The following SEMA4C variants were observed in gnomAD, a reference collection of about 807,000 sequenced individuals.
SEMA4C encodes the protein semaphorin-4C.
SEMA4C carries 19 observed loss-of-function variants against 89.0 expected under a neutral mutation model. That is an observed-to-expected ratio of 0.21 (90% CI 0.15 to 0.31). The LOEUF (loss-of-function observed/expected upper bound fraction) is 0.31. Among genes scored for constraint, SEMA4C ranks in the 10% least tolerant of loss-of-function variants. The pLI, the probability that SEMA4C is intolerant of heterozygous loss-of-function variation, is 1.00. For missense variants in SEMA4C, 811 were observed against 1,107.0 expected, an observed-to-expected ratio of 0.73 and a Z score of 3.79; for synonymous variants, 428 against 472.7, an observed-to-expected ratio of 0.91 and a Z score of 1.23.
Position 96,869,959 on chromosome 2 carries a change from T to A in SEMA4C, c.-121A>T. On this transcript the variant is annotated 5_prime_UTR_variant, in exon 1 of 15. Coordinates refer to ENST00000305476, the MANE Select transcript of SEMA4C (RefSeq NM_017789.5). The stretch of plus-strand genomic sequence containing the variant: ...CCACCCCTGCCCCCGCGTCGCCGCC[T>A]GCCCGCGCTCGCCCGCCAGCCCTCC... 1 of 986,814 alleles carries A rather than the reference T, an allele frequency of 1.0e-6. No individual in the cohort carries two copies. The allele number at this position is 986,814 out of a possible 1,614,324, so 61.1% of individuals were successfully genotyped here. A position where few individuals can be genotyped will look rare whatever the true frequency, so the allele number is the denominator to read the frequency against.
In SEMA4C at chr2:96,861,134, A is replaced by G; in HGVS notation, c.1994T>C (p.Val665Ala). 1.2e-6 allele frequency: 2 copies of G among 1,611,240 alleles called. No homozygotes were observed. Among genetic ancestry groups the G allele is most frequent in the Non-Finnish European group, 1.7e-6 (2 of 1,179,642 alleles). ...CCCCAGGGCCACCACCGCCAGCCAC[A>G]CCAGCCCCAGGTTTTCCAGGGGGGC... ...ARAPLENLGL[V>A]WLAVVALGAV... is the part of the protein sequence containing the mutation. The change falls in exon 15 of 15, where the codon GTG becomes GCG. Residue 665 changes from valine to alanine, a missense_variant. Val to Ala is a moderately conservative substitution (Grantham distance 64, BLOSUM62 0). Transcript: ENST00000305476. This position sits in a 1 kb window ranked among gnomAD's most constrained non-coding sequence, Gnocchi z 7.8.
intron 1 of SEMA4C, 56 bp from the exon 2 acceptor site, chr2:96,867,979 G>GAAA: frequency 6.3e-7 from 1 of 1,592,966 alleles, no homozygotes; most frequent in East Asian, 2.3e-5. Flanking sequence ...AAACCAGAGG[G>GAAA]GCCCGCAGCA....
rs1210122300 is a variant in SEMA4C, at chr2:96,861,910, G to A, written c.1444-16C>T. ...AGAGCAGCTTCTGCGAGAAAAGCGG[G>A]GCGCAGGAGGGGGGTCGGCCAGGGC... is the stretch of plus-strand genomic sequence containing the variant. On this transcript the variant is annotated splice_polypyrimidine_tract_variant and intron_variant, in intron 12 of 14. Transcript: ENST00000305476. The surrounding 1 kb of genome is among the most constrained non-coding windows in gnomAD (Gnocchi z 7.8). 6.3e-7 allele frequency: 1 copy of A among 1,596,234 alleles called. No individual in the cohort carries two copies. Among genetic ancestry groups the A allele is most frequent in the African/African-American group, 1.3e-5 (1 of 74,776 alleles).
intron 12 of SEMA4C, chr2:96,863,412 A>G: frequency 8.2e-7 from 1 of 1,224,106 alleles, no homozygotes; most frequent in African/African-American, 1.5e-5. Context: ...TCTGAAAGAA[A>G]CATGGGAGCA....
intron 1 of SEMA4C, chr2:96,869,163 CG>C: frequency 1.0e-6 from 1 of 985,416 alleles, no homozygotes; most frequent in African/African-American, 1.7e-5. Flanking sequence ...CCAAAACGCC[CG>C]CGGCCTCATC....
In SEMA4C at chr2:96,865,489, C is replaced by A; in HGVS notation, c.469G>T (p.Gly157Cys). 1 of 1,614,094 alleles carries A rather than the reference C, an allele frequency of 6.2e-7. No individual in the cohort carries two copies. The highest frequency in any genetic ancestry group is 8.5e-7 in the Non-Finnish European group (1 of 1,180,032). Reference protein sequence around the residue: ...LEHGEFEDGKGKCPYDPAKGH... With the variant: ...LEHGEFEDGKCKCPYDPAKGH... ...TTAGCTGGGTCATAGGGACACTTGC[C>A]CTTCCCATCTTCAAACTCTCCATGC... is the stretch of plus-strand genomic sequence containing the variant. The change falls in exon 6 of 15, where the codon GGC becomes TGC. Residue 157 changes from glycine (G) to cysteine (C), a missense_variant. Physicochemically the swap from Gly to Cys is radical, Grantham distance 159. This residue lies in a region of SEMA4C where 441 missense variants were observed against 664.9 expected (regional missense o/e 0.66). Transcript: ENST00000305476.
chr2:96,862,832 A>G (rs2079978816), intron 12 of SEMA4C: 1 of 146,480 alleles, frequency 6.8e-6, no homozygotes, highest in Admixed American at 7.0e-5. Flanking sequence ...ACTGCACTCC[A>G]GCCTGGGTGA....
In SEMA4C at chr2:96,860,635, T is replaced by C. The variant is rs763249565; in HGVS notation, c.2493A>G (p.Ser831=). 6.2e-7 allele frequency: 1 copy of C among 1,606,406 alleles called. No homozygotes were observed. The highest frequency in any genetic ancestry group is 1.7e-5 in the Admixed American group (1 of 59,380). The change falls in exon 15 of 15, where the codon TCA becomes TCG. Residue 831 remains serine (S), a synonymous_variant. Coordinates refer to ENST00000305476, the MANE Select transcript of SEMA4C (RefSeq NM_017789.5). ...QPLPDSNPEE[S]SV ...GCGGTGGGGGTTCCCCTCATACTGATGACTCCTCGGGGTTGGAGTCGGGCA... is the reference window on the plus strand; with the variant it reads ...GCGGTGGGGGTTCCCCTCATACTGACGACTCCTCGGGGTTGGAGTCGGGCA...
rs559796759 is a variant in SEMA4C, at chr2:96,868,677, C to G, written c.-37-754G>C. 2.2e-5 allele frequency: 22 copies of G among 980,306 alleles called. No homozygotes were observed. In the South Asian group the frequency reaches 1.0e-3, roughly 45 times the overall value. The allele number at this position is 980,306 out of a possible 1,614,324, so 60.7% of individuals were successfully genotyped here. On this transcript the variant is annotated intron_variant, in intron 1 of 14. Transcript: ENST00000305476. ...CTCCTCCGAAACACCAGCCCTCTGG[C>G]GGAGGGGCGGTGGGGGGACCGAGCT...
At chr2:96,863,648 T>TGG in intron 12 of SEMA4C, 34 bp downstream of exon 12, 1 of 1,573,258 alleles carries the variant, frequency 6.4e-7, no homozygotes, top group South Asian at 1.1e-5. Flanking sequence ...GGGATAGTGC[T>TGG]GGGGACAGTG....
Position 96,863,946 on chromosome 2 carries a change from G to T in SEMA4C, c.1310C>A (p.Thr437Lys). 1 of 1,612,880 alleles carries T rather than the reference G, an allele frequency of 6.2e-7. No individual in the cohort carries two copies. Among genetic ancestry groups the T allele is most frequent in the Non-Finnish European group, 8.5e-7 (1 of 1,179,662 alleles). The change falls in exon 11 of 15, where the codon ACA (threonine) becomes AAA (lysine). Residue 437 changes from threonine (T) to lysine (K), a missense_variant. Thr to Lys is a moderately conservative substitution (Grantham distance 78). Around this residue, in one of 4 missense-constraint regions of SEMA4C, gnomAD observed 441 missense variants for 664.9 expected, o/e 0.66. Transcript: ENST00000305476. ...CCCACCTGTGCCAATGAACAGCACT[G>T]TATAGGTGGCTCCATCAAGTCCTGT... ...RVTGLDGATY[T>K]VLFIGTGDGW... is the part of the protein sequence containing the mutation.
rs1170139894 is a variant in SEMA4C at position 96,860,301 on chromosome 2, C to T, written c.*325G>A. The stretch of plus-strand genomic sequence containing the variant: ...GCGCACGCGCGTGCACACACACATA[C>T]ACACACACACAAACACATGTGCAAA... On this transcript the variant is annotated 3_prime_UTR_variant, in exon 15 of 15. Transcript: ENST00000305476. The T allele has an allele frequency of 9.3e-6, 3 of 320,858 alleles. No homozygotes were observed. The highest frequency in any genetic ancestry group is 1.7e-5 in the Non-Finnish European group (3 of 173,636). The allele number at this position is 320,858 out of a possible 1,614,324, so 19.9% of individuals were successfully genotyped here.
At chr2:96,869,520 C>T (rs2080160444) in intron 1 of SEMA4C, 1 of 985,298 alleles carries the variant, frequency 1.0e-6, no homozygotes, top group Non-Finnish European at 1.2e-6. Context: ...CAACATCGGC[C>T]TCCCTCCAAG....
In SEMA4C at chr2:96,861,173, G is replaced by A. The variant is rs1349711001; in HGVS notation, c.1955C>T (p.Thr652Ile). The change falls in exon 15 of 15, where the codon ACC becomes ATC. Residue 652 changes from threonine to isoleucine, a missense_variant. Coordinates refer to ENST00000305476, the MANE Select transcript of SEMA4C (RefSeq NM_017789.5). The surrounding 1 kb of genome is among the most constrained non-coding windows in gnomAD (Gnocchi z 7.8). ...TTCCAGGGGGGCCCGGGCCTCCAAG[G>A]TCACCGACGGGCCTGCCACGACAGC... ...LVAVVAGPSVTLEARAPLENL... is the reference protein window; with the variant it reads ...LVAVVAGPSVILEARAPLENL... The A allele has an allele frequency of 2.5e-6, 4 of 1,609,930 alleles. No individual in the cohort carries two copies. Among genetic ancestry groups the A allele is most frequent in the South Asian group, 2.2e-5 (2 of 91,056 alleles).
chr2:96,870,437 C>G (rs956162125), upstream of SEMA4C: 68 of 900,374 alleles, frequency 7.6e-5, no homozygotes, highest in Non-Finnish European at 9.0e-5. Flanking sequence ...GAGAGGGACT[C>G]CCGACCGTGC....
At chr2:96,867,017 G>A (rs939539640) in intron 2 of SEMA4C, 19 of 218,736 alleles carry the variant, frequency 8.7e-5, no homozygotes, top group Admixed American at 7.8e-4. Flanking sequence ...GAGGCTCAGA[G>A]AGCGGAGATG....
Position 96,860,596 on chromosome 2 carries a change from C to T in SEMA4C, c.*30G>A, listed in dbSNP as rs763972081. On this transcript the variant is annotated 3_prime_UTR_variant, in exon 15 of 15. Transcript: ENST00000305476. ...GCAAAAGTAGGAGCTACACCTCCCACGCTTCCCGCCGACGCGGTGGGGGTT... is the reference window on the plus strand; with the variant it reads ...GCAAAAGTAGGAGCTACACCTCCCATGCTTCCCGCCGACGCGGTGGGGGTT... 3.3e-5 allele frequency: 52 copies of T among 1,559,650 alleles called. No homozygotes were observed. Among genetic ancestry groups the T allele is most frequent in the African/African-American group, 1.8e-4 (13 of 73,500 alleles).
chr2:96,870,327 G>T, upstream of SEMA4C: 1 of 985,318 alleles, frequency 1.0e-6, no homozygotes, highest in Non-Finnish European at 1.2e-6. Flanking sequence ...CCTGGAGGGA[G>T]GTGGGGCGGG....
chr2:96,860,692 T>G lies in SEMA4C; in HGVS notation c.2436A>C (p.Glu812Asp). 6.2e-7 allele frequency: 1 copy of G among 1,613,476 alleles called. No individual in the cohort carries two copies. The highest frequency in any genetic ancestry group is 8.5e-7 in the Non-Finnish European group (1 of 1,179,960). Reference protein sequence around the residue: ...LGHPLPELADELRRKLQQRQP... With the variant: ...LGHPLPELADDLRRKLQQRQP... ...GGCGTTGCTGCAGTTTGCGTCTCAG[T>G]TCATCCGCGAGCTCAGGCAGGGGGT... Residue 812 changes from glutamate (E) to aspartate (D), a missense_variant, in exon 15 of 15, where the codon GAA becomes GAC. By Grantham distance (45) the Glu-to-Asp change is conservative. Transcript: ENST00000305476.
Sources: allele counts gnomAD v4.1 joint callset, GRCh38; gene constraint gnomAD v4.1.1; regional missense constraint gnomAD v4.1.1; non-coding constraint Gnocchi (gnomAD v3.1); transcripts MANE v1.5; gene names NCBI Gene and HGNC (gene_info 2026-07-23, HGNC 2026-07-21).